The following RIMS1 variants were observed in gnomAD, a reference collection of about 807,000 sequenced individuals.
The protein encoded by RIMS1 is regulating synaptic membrane exocytosis protein 1.
Under a neutral mutation model 214.1 loss-of-function variants are expected in RIMS1, and 83 were observed. That is an observed-to-expected ratio of 0.39 (90% CI 0.32 to 0.47). The LOEUF (loss-of-function observed/expected upper bound fraction) is 0.47, where lower values mean the gene tolerates loss of function less well. RIMS1 is among the 20% of genes least tolerant of loss of function. The pLI, the probability that RIMS1 is intolerant of heterozygous loss-of-function variation, is 0.99. For missense variants in RIMS1, 2,050 were observed against 2,161.8 expected (o/e 0.95, Z 1.03); for synonymous variants, 793 against 786.8 (o/e 1.01, Z -0.13).
chr6:72,177,780 G>A (rs2047914467), intron 4 of RIMS1, among the ~76,000 whole-genome samples: 1 of 152,152 alleles, frequency 6.6e-6, no homozygotes, highest in South Asian at 2.1e-4. Context: ...TCAGGGTTCT[G>A]GGCAGAAGAG....
At chr6:71,939,139 T>C (rs534332603) in intron 1 of RIMS1, among the ~76,000 whole-genome samples, 1 of 152,338 alleles carries the variant, frequency 6.6e-6, no homozygotes, top group African/African-American at 2.4e-5. Flanking sequence ...CCAAATTCTT[T>C]GCAACTATAT....
chr6:72,069,546 A>G (rs1247652644), intron 2 of RIMS1, among the ~76,000 whole-genome samples: 1 of 152,220 alleles, frequency 6.6e-6, no homozygotes, highest in Admixed American at 6.5e-5. Context: ...AAACTGATGC[A>G]TTTGTTTCTG....
In RIMS1 at chr6:72,398,232, C is replaced by G. The variant is rs1299773483; in HGVS notation, c.4619-17C>G. ...TGCAAAGAAGCTGAAACACATCTTG[C>G]TCCTTTCCATTTGCAGGTGATATAC... On this transcript the variant is annotated splice_polypyrimidine_tract_variant and intron_variant, in intron 31 of 33. Transcript: ENST00000521978. 6.6e-7 allele frequency: 1 copy of G among 1,519,078 alleles called. No homozygotes were observed. 94.1% of individuals were successfully genotyped at this position (1,519,078 alleles called of 1,614,324 possible).
chr6:72,156,216 C>A lies in RIMS1; in HGVS notation c.472-23359C>A, dbSNP rs2044423657. The A allele has an allele frequency of 3.8e-5, 6 of 158,150 alleles. 1 individual carries two copies. In the South Asian group the frequency reaches 6.8e-4, roughly 18 times the overall value. The allele number at this position is 158,150 out of a possible 1,614,324, so 9.8% of individuals were successfully genotyped here. A position where few individuals can be genotyped will look rare whatever the true frequency, so the allele number is the denominator to read the frequency against. ...CACAATAACCAAGAAGTGGCAACAA[C>A]CTAAATGTCCACTCACAGATGAATG... On this transcript the variant is annotated intron_variant, in intron 4 of 33. Coordinates refer to ENST00000521978, the MANE Select transcript of RIMS1 (RefSeq NM_014989.7).
At chr6:72,172,269 A>G (rs1412475474) in intron 4 of RIMS1, among the ~76,000 whole-genome samples, 1 of 152,198 alleles carries the variant, frequency 6.6e-6, no homozygotes, top group Non-Finnish European at 1.5e-5. Flanking sequence ...ATTTTTAATC[A>G]TGTTATGAAT....
At chr6:72,360,933 GT>G (rs771244884) in intron 29 of RIMS1, among the ~76,000 whole-genome samples, 122 of 141,222 alleles carry the variant, frequency 8.6e-4, no homozygotes, top group African/African-American at 2.1e-3. Flanking sequence ...TAAGTGGTAG[GT>G]TTTTTTTTTT....
intron 6 of RIMS1, among the ~76,000 whole-genome samples, chr6:72,227,238 T>A (rs1486019428): frequency 6.6e-6 from 1 of 151,988 alleles, no homozygotes; most frequent in Non-Finnish European, 1.5e-5. Context: ...GGTAGAAAAA[T>A]ATATTTTTCT....
chr6:72,270,494 A>C (rs72931889), intron 22 of RIMS1, among the ~76,000 whole-genome samples: 1 of 152,154 alleles, frequency 6.6e-6, no homozygotes, highest in Admixed American at 6.5e-5. Context: ...GGCTTAAAAA[A>C]CACCTTCTAC....
intron 6 of RIMS1, among the ~76,000 whole-genome samples, 152 bp from the exon 7 acceptor site, chr6:72,233,621 C>T (rs1183272661): frequency 6.6e-6 from 1 of 151,812 alleles, no homozygotes; most frequent in African/African-American, 2.4e-5. Flanking sequence ...ATTCAAGTCA[C>T]AACCTTTGCA....
In RIMS1 at chr6:72,009,375, A is replaced by G. The variant is rs368913744; in HGVS notation, c.245+40312A>G. On this transcript the variant is annotated intron_variant, in intron 2 of 33. Transcript: ENST00000521978. ...TAAATGCCCACAAGAGAAAGCAGGA[A>G]AGATCTAAAATTGACACCCTAACAT... Among the ~76,000 whole-genome samples, 62 of 152,376 alleles carry G rather than the reference A, an allele frequency of 4.1e-4. No homozygotes were observed. In the South Asian group the frequency reaches 5.8e-3, roughly 14 times the overall value.
At chr6:71,998,268 T>C (rs1804088767) in intron 2 of RIMS1, among the ~76,000 whole-genome samples, 1 of 152,182 alleles carries the variant, frequency 6.6e-6, no homozygotes, top group Non-Finnish European at 1.5e-5. Flanking sequence ...TATTTACTGC[T>C]CTCCTGGACA....
chr6:72,179,530 C>A lies in RIMS1; in HGVS notation c.472-45C>A. 7 of 1,384,160 alleles carry A rather than the reference C, an allele frequency of 5.1e-6. No individual in the cohort carries two copies. The South Asian group carries it at 7.6e-5, about 15-fold the overall frequency. The allele number at this position is 1,384,160 out of a possible 1,614,324, so 85.7% of individuals were successfully genotyped here. On this transcript the variant is annotated intron_variant, in intron 4 of 33. Transcript: ENST00000521978. ...ATTTTAAGATACTGAAAAATTATTT[C>A]CAAGAGGGCATAAAAATTTATATTG...
At chr6:72,227,960 A>G (rs1406938075) in intron 6 of RIMS1, among the ~76,000 whole-genome samples, 1 of 151,886 alleles carries the variant, frequency 6.6e-6, no homozygotes, top group African/African-American at 2.4e-5. Context: ...TTAAAAGGGA[A>G]ATATTTTTCT....
chr6:72,337,264 C>A (rs887788227), intron 29 of RIMS1, among the ~76,000 whole-genome samples: 3 of 151,722 alleles, frequency 2.0e-5, no homozygotes, highest in African/African-American at 7.3e-5. Flanking sequence ...AATTGTCTCC[C>A]CTCACTCAAT....
At chr6:72,350,573 C>T (rs959844139) in intron 29 of RIMS1, among the ~76,000 whole-genome samples, 1 of 146,896 alleles carries the variant, frequency 6.8e-6, no homozygotes, top group African/African-American at 2.4e-5. Context: ...TAAAGTAATG[C>T]CAGTTGTCTA....
chr6:72,084,410 CTTGT>C (rs893511135), intron 2 of RIMS1, among the ~76,000 whole-genome samples: 2 of 152,092 alleles, frequency 1.3e-5, no homozygotes, highest in African/African-American at 4.8e-5. Context: ...AATGAGATAA[CTTGT>C]TTGTCAAAAT....
rs75776768 is a variant in RIMS1 at position 72,329,701 on chromosome 6, A to C, written c.4131-3899A>C. Among the ~76,000 whole-genome samples the C allele has an allele frequency of 7.4e-3, 1,121 of 151,912 alleles. 4 individuals carry two copies. The highest frequency in any genetic ancestry group is 0.012 in the Non-Finnish European group (821 of 67,822). On this transcript the variant is annotated intron_variant, in intron 28 of 33. Coordinates refer to ENST00000521978, the MANE Select transcript of RIMS1 (RefSeq NM_014989.7). ...ACAAGCATGTTAGGGAATGCTCAAG[A>C]AAAGTGGCCAGAAAACCAATTTGGT... is the stretch of plus-strand genomic sequence containing the variant.
intron 6 of RIMS1, among the ~76,000 whole-genome samples, chr6:72,204,518 T>C (rs1324420588): frequency 6.6e-6 from 1 of 152,250 alleles, no homozygotes; most frequent in East Asian, 1.9e-4. Flanking sequence ...TATTTGGCAG[T>C]GTTCTGCCTT....
chr6:71,947,437 A>G (rs566840712), intron 1 of RIMS1, among the ~76,000 whole-genome samples: 65 of 152,268 alleles, frequency 4.3e-4, no homozygotes, highest in Non-Finnish European at 5.3e-4. Flanking sequence ...GCTAATTGAA[A>G]TAAGCCAGGT....
Sources: gnomAD v4.1 joint callset for allele counts (sites outside exome capture counted in the v4.1 genomes callset) on GRCh38, gnomAD v4.1.1 for gene constraint, MANE v1.5 for transcripts, NCBI Gene and HGNC (gene_info 2026-07-23, HGNC 2026-07-21) for gene names.